The following PLCH1 variants were observed in gnomAD, a reference collection of about 807,000 sequenced individuals.
PLCH1 encodes 1-phosphatidylinositol 4,5-bisphosphate phosphodiesterase eta-1.
Under a neutral mutation model 126.7 loss-of-function variants are expected in PLCH1, and 60 were observed. The observed-to-expected ratio is 0.47, with a 90% CI of 0.38 to 0.59. The LOEUF (loss-of-function observed/expected upper bound fraction) is 0.59, where lower values mean the gene tolerates loss of function less well. Ranked by LOEUF, PLCH1 falls within the 20% of genes least tolerant of loss-of-function variation. The pLI is 0.00. For missense variants in PLCH1, 1,723 were observed against 2,040.0 expected (o/e 0.84, Z 2.99); for synonymous variants, 719 against 734.9 (o/e 0.98, Z 0.35).
intron 1 of PLCH1, among the ~76,000 whole-genome samples, chr3:155,735,236 C>T (rs563934475): frequency 5.3e-5 from 8 of 152,064 alleles, no homozygotes; most frequent in Admixed American, 1.3e-4. Flanking sequence ...GGGGAAGATG[C>T]TGGTCAAAGG....
At chr3:155,586,259 T>C in intron 4 of PLCH1, 65 bp from the exon 5 acceptor site, 1 of 1,541,658 alleles carries the variant, frequency 6.5e-7, no homozygotes, top group Non-Finnish European at 8.9e-7. Flanking sequence ...TCTCACAGAA[T>C]ACTCGCAAAG....
chr3:155,628,025 C>T (rs1466407997), intron 2 of PLCH1, among the ~76,000 whole-genome samples: 3 of 151,964 alleles, frequency 2.0e-5, no homozygotes. Flanking sequence ...CTTCGGGCTC[C>T]CAAAATGCTG....
intron 2 of PLCH1, among the ~76,000 whole-genome samples, chr3:155,608,305 T>C (rs922296442): frequency 1.3e-5 from 2 of 152,138 alleles, no homozygotes; most frequent in Non-Finnish European, 2.9e-5. Flanking sequence ...CGACTGAGCA[T>C]GAACTTTCTT....
chr3:155,741,684 C>CTTTTATTTTTTTTTTATTTTAT, intron 1 of PLCH1, among the ~76,000 whole-genome samples: 1 of 102,868 alleles, frequency 9.7e-6, no homozygotes, highest in Non-Finnish European at 1.7e-5. Context: ...TTTATATCCT[C>CTTTTATTTTTTTTTTATTTTAT]TTTTTTTTTT....
chr3:155,492,709 C>T lies in PLCH1; in HGVS notation c.2307+20G>A, dbSNP rs1215448905. On this transcript the variant is annotated intron_variant, in intron 18 of 22. Coordinates refer to ENST00000460012, the MANE Select transcript of PLCH1 (RefSeq NM_014996.4). The stretch of plus-strand genomic sequence containing the variant: ...AATCACATAATTAACCACTTAGACA[C>T]GTAGTCATAGGCAACTTACCTCGCC... 3.9e-6 allele frequency: 6 copies of T among 1,540,944 alleles called. No individual in the cohort carries two copies. In the African/African-American group the frequency reaches 4.2e-5, roughly 11 times the overall value.
rs563526183 is a variant in PLCH1, at chr3:155,669,772, C to T, written c.79+34374G>A. ...TGTGAGAGGCACCTGTTTACTAAGTCCAACTGAAGACCTGTCTCCTGTTCA... is the reference window on the plus strand; with the variant it reads ...TGTGAGAGGCACCTGTTTACTAAGTTCAACTGAAGACCTGTCTCCTGTTCA... On this transcript the variant is annotated intron_variant, in intron 2 of 22. Coordinates refer to ENST00000460012, the MANE Select transcript of PLCH1 (RefSeq NM_014996.4). Among the ~76,000 whole-genome samples the T allele has an allele frequency of 7.0e-4, 107 of 152,264 alleles. 1 individual carries two copies. Among genetic ancestry groups the T allele is most frequent in the African/African-American group, 2.3e-3 (97 of 41,550 alleles).
chr3:155,576,979 A>T (rs571548245), intron 6 of PLCH1, among the ~76,000 whole-genome samples: 2 of 152,212 alleles, frequency 1.3e-5, no homozygotes, highest in Non-Finnish European at 2.9e-5. Context: ...CTATAATTTC[A>T]CCAGAAATAG....
At chr3:155,723,868 C>A (rs938630499) in intron 1 of PLCH1, among the ~76,000 whole-genome samples, 3 of 149,592 alleles carry the variant, frequency 2.0e-5, no homozygotes, top group African/African-American at 7.4e-5. Flanking sequence ...GCAGAAGAAT[C>A]GCTTGAACCC....
At chr3:155,673,504 A>G (rs1211312739) in intron 2 of PLCH1, among the ~76,000 whole-genome samples, 1 of 152,192 alleles carries the variant, frequency 6.6e-6, no homozygotes, top group Non-Finnish European at 1.5e-5. Flanking sequence ...CAAAGGATTC[A>G]AATGACATAG....
chr3:155,696,147 A>C (rs550395624), intron 2 of PLCH1, among the ~76,000 whole-genome samples: 2 of 152,356 alleles, frequency 1.3e-5, no homozygotes, highest in East Asian at 3.9e-4. Flanking sequence ...ACACTAGGCT[A>C]GAGGCTTTAA....
chr3:155,681,628 AT>A (rs1744546006), intron 2 of PLCH1, among the ~76,000 whole-genome samples: 1 of 152,200 alleles, frequency 6.6e-6, no homozygotes, highest in Non-Finnish European at 1.5e-5. Context: ...CCAGAGCTTA[AT>A]TCCTTTTAGG....
chr3:155,715,606 CTTTTTTTTTT>C (rs763813354), intron 1 of PLCH1, among the ~76,000 whole-genome samples: 1 of 122,762 alleles, frequency 8.1e-6, no homozygotes, highest in Non-Finnish European at 1.7e-5. Context: ...CATCTGGCCT[CTTTTTTTTTT>C]TTTTTTTTTT....
intron 13 of PLCH1, among the ~76,000 whole-genome samples, chr3:155,502,123 T>C (rs1250926821): frequency 6.6e-6 from 1 of 152,188 alleles, no homozygotes; most frequent in Non-Finnish European, 1.5e-5. Flanking sequence ...CGGCATTATT[T>C]ATGCCTTGAG....
intron 2 of PLCH1, among the ~76,000 whole-genome samples, chr3:155,597,228 T>C (rs914238531): frequency 6.6e-6 from 1 of 152,206 alleles, no homozygotes; most frequent in Non-Finnish European, 1.5e-5. Context: ...GACTTAAGCT[T>C]GGAGCAAATC....
chr3:155,603,877 C>T (rs2108688988), intron 2 of PLCH1, among the ~76,000 whole-genome samples: 1 of 152,174 alleles, frequency 6.6e-6, no homozygotes, highest in South Asian at 2.1e-4. Context: ...GTGAGAGGAT[C>T]ACTTGTGCCC....
At chr3:155,676,478 G>GTGTTTCTCAATGACCTCTGA in intron 2 of PLCH1, 2 of 793,612 alleles carry the variant, frequency 2.5e-6, no homozygotes, top group Non-Finnish European at 3.1e-6. Context: ...CTCACCTTCA[G>GTGTTTCTCAATGACCTCTGA]AGGTCATTGA....
At chr3:155,512,742 G>A (rs1288040850) in intron 12 of PLCH1, among the ~76,000 whole-genome samples, 3 of 152,182 alleles carry the variant, frequency 2.0e-5, no homozygotes, top group Non-Finnish European at 4.4e-5. Context: ...GATCTTATGG[G>A]CTATTATCTC....
At chr3:155,496,758 T>G (rs952410316) in intron 15 of PLCH1, among the ~76,000 whole-genome samples, 15 of 152,182 alleles carry the variant, frequency 9.9e-5, no homozygotes, top group Admixed American at 2.0e-4. Flanking sequence ...AGGATATGAA[T>G]AGATGTGACT....
chr3:155,551,990 G>A (rs1726208758), intron 9 of PLCH1, among the ~76,000 whole-genome samples: 1 of 152,158 alleles, frequency 6.6e-6, no homozygotes, highest in African/African-American at 2.4e-5. Context: ...ATTTGGCTAG[G>A]ACCTGTAGAA....
Sources: allele counts gnomAD v4.1 joint callset (sites outside exome capture counted in the v4.1 genomes callset), GRCh38; gene constraint gnomAD v4.1.1; transcripts MANE v1.5; gene names NCBI Gene and HGNC (gene_info 2026-07-23, HGNC 2026-07-21).